Variants in TNIP3 observed in about 807,000 individuals in gnomAD.
TNIP3 encodes the protein TNFAIP3 interacting protein 3.
TNIP3 carries 34 observed loss-of-function variants against 54.1 expected under a neutral mutation model. The observed-to-expected ratio is 0.63, with a 90% confidence interval of 0.48 to 0.84. The LOEUF (loss-of-function observed/expected upper bound fraction) is 0.84. Ranked by LOEUF, TNIP3 falls within the 40% of genes least tolerant of loss-of-function variation. The pLI, the probability that TNIP3 is intolerant of heterozygous loss-of-function variation, is 0.00. For missense variants in TNIP3, 366 were observed against 387.6 expected (o/e 0.94, Z 0.47); for synonymous variants, 134 against 136.8 (o/e 0.98, Z 0.14).
chr4:121,209,201 CT>C (rs750928339), intron 2 of TNIP3, among the ~76,000 whole-genome samples: 4 of 152,224 alleles, frequency 2.6e-5, no homozygotes, highest in Non-Finnish European at 5.9e-5. Flanking sequence ...TTTCATCTGG[CT>C]GTTCCTGAGT....
intron 3 of TNIP3, 133 bp downstream of exon 3, chr4:121,158,554 C>T (rs560634407): frequency 2.5e-5 from 18 of 733,720 alleles, no homozygotes; most frequent in Middle Eastern, 2.3e-4. Context: ...ACACTTAGCA[C>T]CCTTCCCGTC....
At chr4:121,187,973 A>C (rs1725111956) in intron 2 of TNIP3, among the ~76,000 whole-genome samples, 1 of 152,158 alleles carries the variant, frequency 6.6e-6, no homozygotes. Context: ...GAATTATAAA[A>C]ATTCAGAAAT....
At chr4:121,182,572 A>G (rs1724774701) in intron 3 of TNIP3, 10 of 1,339,860 alleles carry the variant, frequency 7.5e-6, no homozygotes, top group Non-Finnish European at 1.0e-5. Flanking sequence ...AAGGAAGTAC[A>G]TGACTGACGG....
At chr4:121,176,254 G>A (rs13107912) in intron 3 of TNIP3, among the ~76,000 whole-genome samples, 42,896 of 152,112 alleles carry the variant, frequency 0.28, 6,924 homozygotes, top group African/African-American at 0.44. Context: ...AAGGTGCAGC[G>A]GCTGAGCTGA....
chr4:121,136,698 T>C (rs1028220642), intron 10 of TNIP3: 1 of 151,426 alleles, frequency 6.6e-6, no homozygotes, highest in Admixed American at 6.6e-5. Flanking sequence ...GAACAAAAAA[T>C]AAAAATAAAA....
intron 3 of TNIP3, among the ~76,000 whole-genome samples, chr4:121,182,155 G>A (rs933250082): frequency 6.6e-6 from 1 of 152,020 alleles, no homozygotes; most frequent in East Asian, 1.9e-4. Context: ...AAAATTCCTA[G>A]CTTGAGCCTA....
chr4:121,151,661 G>A (rs991000517), intron 5 of TNIP3, among the ~76,000 whole-genome samples: 3 of 151,972 alleles, frequency 2.0e-5, no homozygotes, highest in African/African-American at 2.4e-5. Flanking sequence ...ATGGATTATG[G>A]CAATGGAATA....
Position 121,226,239 on chromosome 4 carries a change from AAG to A in TNIP3, c.3+1144_3+1145del, listed in dbSNP as rs541995255. 6.1e-4 allele frequency among the ~76,000 whole-genome samples: 92 copies of A among 149,820 alleles called. 1 individual carries two copies. Among genetic ancestry groups the A allele is most frequent in the Admixed American group, 1.0e-3 (15 of 15,002 alleles). Reference sequence around the variant, plus strand: ...GACAGAGGCAGAGGTACACATAGGAAAGAGAGAGAGAGAGAGCGACAGAGGCA... The same window carrying A: ...GACAGAGGCAGAGGTACACATAGGAAAGAGAGAGAGAGAGCGACAGAGGCA... On this transcript the variant is annotated intron_variant, in intron 1 of 12. Transcript: ENST00000509841.
At chr4:121,146,604 G>A (rs1296759753) in intron 7 of TNIP3, among the ~76,000 whole-genome samples, 1 of 151,990 alleles carries the variant, frequency 6.6e-6, no homozygotes, top group Non-Finnish European at 1.5e-5. Context: ...TTACATCTGG[G>A]AACCACTGAA....
upstream of TNIP3, among the ~76,000 whole-genome samples, chr4:121,217,593 T>C (rs994603130): frequency 3.3e-5 from 5 of 152,188 alleles, no homozygotes; most frequent in African/African-American, 9.7e-5. Context: ...AGTAGAGCTA[T>C]GTTTTAAAAA....
chr4:121,183,796 G>A (rs2148828054), intron 2 of TNIP3, among the ~76,000 whole-genome samples: 1 of 152,082 alleles, frequency 6.6e-6, no homozygotes, highest in East Asian at 1.9e-4. Context: ...AATGCCTGAT[G>A]ATCTGTCACT....
chr4:121,146,011 T>C (rs969624120), intron 7 of TNIP3, among the ~76,000 whole-genome samples: 1 of 151,508 alleles, frequency 6.6e-6, no homozygotes, highest in African/African-American at 2.4e-5. Flanking sequence ...GAATATACAA[T>C]ATATACTCTT....
In TNIP3 at chr4:121,147,114, C is replaced by A; in HGVS notation, c.670G>T (p.Glu224Ter). 6.2e-7 allele frequency: 1 copy of A among 1,613,430 alleles called. No individual in the cohort carries two copies. The highest frequency in any genetic ancestry group is 8.5e-7 in the Non-Finnish European group (1 of 1,179,616). The part of the protein sequence containing the change: ...ERSDRERLNQ[E>*]KEELQQINET... ...TTAATTTGCTGTAGCTCCTCTTTCT[C>A]TTGATTAAGTCTCTCTCGATCCGAT... Residue 224 changes from glutamate to a stop codon, truncating the protein, a stop_gained, in exon 7 of 11, where the codon GAG becomes TAG. Transcript: ENST00000057513. LOFTEE classifies it high-confidence loss of function.
intron 2 of TNIP3, among the ~76,000 whole-genome samples, chr4:121,198,267 G>A (rs1725705806): frequency 6.6e-6 from 1 of 151,940 alleles, no homozygotes; most frequent in Non-Finnish European, 1.5e-5. Context: ...CAAATTTATA[G>A]GAATAGGCTG....
At chr4:121,185,853 T>C (rs954230849) in intron 2 of TNIP3, among the ~76,000 whole-genome samples, 13 of 152,228 alleles carry the variant, frequency 8.5e-5, no homozygotes, top group African/African-American at 3.1e-4. Flanking sequence ...TAAACAACAA[T>C]TGAGTATCCA....
chr4:121,136,857 G>GAAAA (rs11338982), intron 10 of TNIP3, among the ~76,000 whole-genome samples: 9 of 58,926 alleles, frequency 1.5e-4, no homozygotes, highest in Admixed American at 2.2e-4. Flanking sequence ...GACTGTCTCC[G>GAAAA]AAAAAAAAAA....
At chr4:121,142,223 C>T (rs549954710) in intron 8 of TNIP3, among the ~76,000 whole-genome samples, 162 of 152,152 alleles carry the variant, frequency 1.1e-3, no homozygotes, top group Middle Eastern at 6.9e-3. Context: ...TGAAGAAAAT[C>T]TATTCATTGA....
chr4:121,186,175 AGAG>A (rs984795908), intron 2 of TNIP3, among the ~76,000 whole-genome samples: 2 of 152,188 alleles, frequency 1.3e-5, no homozygotes, highest in African/African-American at 4.8e-5. Context: ...CACTGCAGAA[AGAG>A]GAGAAGTGGC....
intron 2 of TNIP3, among the ~76,000 whole-genome samples, chr4:121,214,359 A>G (rs1026850740): frequency 1.3e-5 from 2 of 152,176 alleles, no homozygotes; most frequent in Non-Finnish European, 2.9e-5. Flanking sequence ...CAAATTTTTA[A>G]CCACTGTAGA....
Sources: allele counts gnomAD v4.1 joint callset (sites outside exome capture counted in the v4.1 genomes callset), GRCh38; gene constraint gnomAD v4.1.1; transcripts MANE v1.5; gene names NCBI Gene and HGNC (gene_info 2026-07-23, HGNC 2026-07-21).